The following KIAA0930 variants were observed in gnomAD, a reference collection of about 807,000 sequenced individuals.
KIAA0930 encodes uncharacterized protein KIAA0930.
KIAA0930 carries 24 observed loss-of-function variants against 43.9 expected under a neutral mutation model. The observed-to-expected ratio is 0.55, with a 90% CI of 0.40 to 0.77. The LOEUF is 0.77. Ranked by LOEUF, KIAA0930 falls within the 30% of genes least tolerant of loss-of-function variation. KIAA0930 has a pLI of 0.00. For missense variants in KIAA0930, 461 were observed against 574.2 expected (o/e 0.80, Z 2.02); for synonymous variants, 259 against 216.4 (o/e 1.20, Z -1.73).
At chr22:45,204,189 G>A (rs2083615359) in intron 5 of KIAA0930, among the ~76,000 whole-genome samples, 1 of 152,200 alleles carries the variant, frequency 6.6e-6, no homozygotes. Context: ...TGAGCAGCAG[G>A]GGAGGACAGG....
At chr22:45,214,556 T>C (rs543073991) in intron 1 of KIAA0930, among the ~76,000 whole-genome samples, 5 of 152,346 alleles carry the variant, frequency 3.3e-5, no homozygotes, top group Non-Finnish European at 7.3e-5. Flanking sequence ...GTGGTTGCCC[T>C]GAAAGGTTCT....
rs373057962 is a variant in KIAA0930 at position 45,203,225 on chromosome 22, G to A, written c.658-41C>T. ...GGGCAGCCTGAGTCAGGGAGGTGGC[G>A]ATGGCTCCATGGGGCCCCTCCCCAG... On this transcript the variant is annotated intron_variant, in intron 6 of 9. Transcript: ENST00000336156. 70 of 1,545,176 alleles carry A rather than the reference G, an allele frequency of 4.5e-5. No homozygotes were observed. The South Asian group carries it at 6.8e-4, about 15-fold the overall frequency.
intron 1 of KIAA0930, chr22:45,212,370 C>T: frequency 1.9e-6 from 3 of 1,595,082 alleles, no homozygotes; most frequent in Non-Finnish European, 2.6e-6. Flanking sequence ...CTGAGCCTGA[C>T]TCCAGCCTGG....
At position 45,205,673 on chromosome 22, in the gene KIAA0930, C is replaced by A. The variant is rs1381967590; in HGVS notation, c.371G>T (p.Arg124Leu). ...GATGTGAATGTCCCCGCCGTCAGCA[C>A]GTGTGCACACCGCACAGGTCACCAT... ...DYMVTCAVCT[R>L]ADGGDIHIHK... is the part of the protein sequence containing the mutation. Residue 124 changes from arginine (R) to leucine (L), a missense_variant, in exon 4 of 10, where the codon CGT (arginine) becomes CTT (leucine). Coordinates refer to ENST00000336156, the MANE Select transcript of KIAA0930 (RefSeq NM_001009880.2). The A allele has an allele frequency of 1.2e-6, 2 of 1,614,000 alleles. No homozygotes were observed. The highest frequency in any genetic ancestry group is 2.2e-5 in the East Asian group (1 of 44,882).
rs538383597 is a variant in KIAA0930 at position 45,205,321 on chromosome 22, G to A, written c.415-3C>T. The A allele has an allele frequency of 1.9e-6, 3 of 1,613,112 alleles. No individual in the cohort carries two copies. Among genetic ancestry groups the A allele is most frequent in the South Asian group, 2.2e-5 (2 of 91,050 alleles). The stretch of plus-strand genomic sequence containing the variant: ...TTACTGGGGGACGCGAACACTTGCT[G>A]GAAGAAAGCAGATTTGGAGGACAAG... On this transcript the variant is annotated splice_region_variant and splice_polypyrimidine_tract_variant and intron_variant, in intron 4 of 9. Coordinates refer to ENST00000336156, the MANE Select transcript of KIAA0930 (RefSeq NM_001009880.2).
At chr22:45,208,155 GGCC>G (rs1359293379) in intron 2 of KIAA0930, among the ~76,000 whole-genome samples, 4 of 152,180 alleles carry the variant, frequency 2.6e-5, no homozygotes, top group Non-Finnish European at 4.4e-5. Flanking sequence ...AGGGTGGCCA[GGCC>G]GCCATGGTAC....
intron 4 of KIAA0930, 71 bp from the exon 5 acceptor site, chr22:45,205,389 A>T: frequency 7.3e-7 from 1 of 1,376,792 alleles, no homozygotes; most frequent in Non-Finnish European, 1.0e-6. Context: ...AGTCCAAGCC[A>T]GTATAGGGAG....
At chr22:45,209,348 C>T (rs1159899904) in intron 2 of KIAA0930, among the ~76,000 whole-genome samples, 2 of 152,200 alleles carry the variant, frequency 1.3e-5, no homozygotes, top group African/African-American at 4.8e-5. Context: ...TCCCCATCAG[C>T]GCCTCCAGCC....
chr22:45,234,555 C>A (rs2083874917), intron 1 of KIAA0930, among the ~76,000 whole-genome samples: 1 of 152,254 alleles, frequency 6.6e-6, no homozygotes, highest in Admixed American at 6.5e-5. Context: ...ACCCGTCTAC[C>A]ACCTACGGTC....
At chr22:45,240,237 C>A (rs1417971613) in intron 1 of KIAA0930, among the ~76,000 whole-genome samples, 1 of 152,246 alleles carries the variant, frequency 6.6e-6, no homozygotes, top group Admixed American at 6.5e-5. Context: ...CCGACCCTGC[C>A]GCGCTGGGCT....
At chr22:45,199,846 A>AC in intron 8 of KIAA0930, 27 bp downstream of exon 8, 2 of 1,520,838 alleles carry the variant, frequency 1.3e-6, no homozygotes, top group South Asian at 1.3e-5. Context: ...GGGCACGGGG[A>AC]CCCTAGGGCA....
At chr22:45,205,770 G>GGGGCCCCC in intron 3 of KIAA0930, 23 bp downstream of exon 3, 20 of 1,523,726 alleles carry the variant, frequency 1.3e-5, no homozygotes, top group Non-Finnish European at 1.7e-5. Flanking sequence ...CCAATCCGCA[G>GGGGCCCCC]CCCCACCCAT....
At chr22:45,220,598 T>C (rs547121973) in intron 1 of KIAA0930, among the ~76,000 whole-genome samples, 1 of 152,308 alleles carries the variant, frequency 6.6e-6, no homozygotes, top group Non-Finnish European at 1.5e-5. Context: ...TTATTTTATG[T>C]TGGGACAGGG....
chr22:45,220,330 C>G (rs2083759844), intron 1 of KIAA0930, among the ~76,000 whole-genome samples: 1 of 151,844 alleles, frequency 6.6e-6, no homozygotes, highest in African/African-American at 2.4e-5. Flanking sequence ...TGGCAGGTGC[C>G]TATAATTCCA....
At chr22:45,204,106 T>C (rs2083614767) in intron 5 of KIAA0930, 121 bp from the exon 6 acceptor site, 1 of 1,285,356 alleles carries the variant, frequency 7.8e-7, no homozygotes, top group African/African-American at 1.5e-5. Flanking sequence ...GACAACCGGC[T>C]GTCACACACT....
chr22:45,202,686 G>A, intron 7 of KIAA0930: 1 of 286,238 alleles, frequency 3.5e-6, no homozygotes, highest in Non-Finnish European at 6.5e-6. Flanking sequence ...GCCTGGCTTT[G>A]TGGCATCTCA....
intron 1 of KIAA0930, among the ~76,000 whole-genome samples, chr22:45,213,752 G>A (rs2083714284): frequency 6.6e-6 from 1 of 152,216 alleles, no homozygotes; most frequent in South Asian, 2.1e-4. Flanking sequence ...GCTCATGCCT[G>A]TCATCCCAGT....
intron 1 of KIAA0930, among the ~76,000 whole-genome samples, chr22:45,221,473 G>A (rs1212402922): frequency 1.3e-5 from 2 of 152,220 alleles, no homozygotes; most frequent in East Asian, 1.9e-4. Context: ...CAAAGCTGAT[G>A]TATGTTTTCA....
chr22:45,213,240 A>G, intron 1 of KIAA0930: 1 of 1,158,012 alleles, frequency 8.6e-7, no homozygotes, highest in Non-Finnish European at 1.2e-6. Flanking sequence ...CAGGACTCAC[A>G]GCCAGCCCCA....
Sources: allele counts gnomAD v4.1 joint callset (sites outside exome capture counted in the v4.1 genomes callset), GRCh38; gene constraint gnomAD v4.1.1; transcripts MANE v1.5; gene names NCBI Gene and HGNC (gene_info 2026-07-23, HGNC 2026-07-21).